BAZ1B: variants seen among roughly 807,000 people sequenced by gnomAD.
BAZ1B encodes bromodomain adjacent to zinc finger domain 1B.
BAZ1B carries 22 observed loss-of-function variants against 153.8 expected under a neutral mutation model. The observed-to-expected ratio is 0.14, with a 90% confidence interval of 0.10 to 0.20. BAZ1B has a LOEUF of 0.20. Among genes scored for constraint, BAZ1B ranks in the 10% least tolerant of loss-of-function variants. The pLI is 1.00. For missense variants in BAZ1B, 1,325 were observed against 1,799.3 expected (o/e 0.74, Z 4.77); for synonymous variants, 676 against 633.4 (o/e 1.07, Z -1.01).
At chr7:73,445,426 A>C (rs1208870815) in intron 16 of BAZ1B, among the ~76,000 whole-genome samples, 1 of 152,190 alleles carries the variant, frequency 6.6e-6, no homozygotes, top group African/African-American at 2.4e-5. Flanking sequence ...AAAAGCTCTG[A>C]AGTACCAAAT....
chr7:73,466,325 T>C lies in BAZ1B; in HGVS notation c.2943A>G (p.Thr981=), dbSNP rs200636830. 3.7e-6 allele frequency: 6 copies of C among 1,613,678 alleles called. No homozygotes were observed. In the Admixed American group the frequency reaches 5.0e-5, roughly 13 times the overall value. The change falls in exon 10 of 20, where the codon ACA becomes ACG. Residue 981 remains threonine (T), a synonymous_variant. Coordinates refer to ENST00000339594, the MANE Select transcript of BAZ1B (RefSeq NM_032408.4). ...HGTATEVAVE[T]TTPKQGQNLW... is the part of the protein sequence containing the mutation. ...GGTTCTGTCCTTGTTTGGGTGTGGT[T>C]GTCTCTACAGCAACTTCTGTTGCTG...
intron 6 of BAZ1B, among the ~76,000 whole-genome samples, chr7:73,487,326 G>C (rs989403660): frequency 6.6e-6 from 1 of 152,166 alleles, no homozygotes; most frequent in South Asian, 2.1e-4. Context: ...CTACTAGTGA[G>C]ACACAGGGAG....
intron 17 of BAZ1B, 53 bp from the exon 18 acceptor site, chr7:73,442,881 T>C (rs1583879823): frequency 1.7e-5 from 23 of 1,357,098 alleles, no homozygotes; most frequent in East Asian, 1.2e-4. Flanking sequence ...GGAGGAAGAA[T>C]GGACAGGGCA....
At chr7:73,466,476 T>A in intron 9 of BAZ1B, 75 bp from the exon 10 acceptor site, 1 of 951,330 alleles carries the variant, frequency 1.1e-6, no homozygotes, top group Non-Finnish European at 1.7e-6. Flanking sequence ...CAGTACACAG[T>A]GCCAAACTCA....
chr7:73,460,066 G>A (rs369594440), intron 12 of BAZ1B, among the ~76,000 whole-genome samples: 1 of 151,876 alleles, frequency 6.6e-6, no homozygotes, highest in Admixed American at 6.6e-5. Context: ...GTGGTGGCAC[G>A]TGCCTGTAAT....
At chr7:73,496,942 C>T (rs1789927114) in intron 4 of BAZ1B, among the ~76,000 whole-genome samples, 1 of 151,746 alleles carries the variant, frequency 6.6e-6, no homozygotes, top group African/African-American at 2.4e-5. Context: ...TCACAACACT[C>T]CACTCCAGCC....
intron 2 of BAZ1B, among the ~76,000 whole-genome samples, chr7:73,509,968 A>ACT (rs1790510497): frequency 6.6e-6 from 1 of 151,296 alleles, no homozygotes; most frequent in African/African-American, 2.4e-5. Context: ...CTCTACTAAA[A>ACT]ACACAAAAAT....
At chr7:73,483,753 T>C (rs1474523088) in intron 6 of BAZ1B, among the ~76,000 whole-genome samples, 1 of 152,096 alleles carries the variant, frequency 6.6e-6, no homozygotes, top group Non-Finnish European at 1.5e-5. Context: ...GGGATCACCC[T>C]GCCTCCATCT....
At chr7:73,488,549 C>T (rs996169793) in intron 6 of BAZ1B, among the ~76,000 whole-genome samples, 2 of 151,770 alleles carry the variant, frequency 1.3e-5, no homozygotes, top group East Asian at 1.9e-4. Context: ...CTGGCCAACA[C>T]GGCAAAACCC....
chr7:73,484,292 A>AAGATAGATAGATAGAT (rs142355745), intron 6 of BAZ1B, among the ~76,000 whole-genome samples: 68 of 150,828 alleles, frequency 4.5e-4, no homozygotes, highest in South Asian at 2.7e-3. Flanking sequence ...CGGAGGGAGG[A>AAGATAGATAGATAGAT]AGATAGATAG....
chr7:73,442,833 C>G lies in BAZ1B; in HGVS notation c.3991-5G>C. On this transcript the variant is annotated splice_polypyrimidine_tract_variant and splice_region_variant and intron_variant, in intron 17 of 19. Transcript: ENST00000339594. ...GCTCCGCTTGGTCTGAAGCACCTGG[C>G]AGGAAAGAAAGAACAATGTTATTAC... The G allele has an allele frequency of 6.2e-7, 1 of 1,609,344 alleles. No individual in the cohort carries two copies. The highest frequency in any genetic ancestry group is 8.5e-7 in the Non-Finnish European group (1 of 1,176,418).
intron 6 of BAZ1B, 59 bp downstream of exon 6, chr7:73,489,135 A>C: frequency 6.6e-7 from 1 of 1,506,756 alleles, no homozygotes; most frequent in South Asian, 1.1e-5. Flanking sequence ...AATATACTGG[A>C]GCCATCAGAG....
In BAZ1B at chr7:73,442,792, G is replaced by C; in HGVS notation, c.4027C>G (p.Leu1343Val). ...QTKRSSRRQS[L>V]ELQKCEEILH... The stretch of plus-strand genomic sequence containing the variant: ...ATCTCTTCACACTTCTGCAGCTCCA[G>C]GCTTTGCCTCCGGGAGCTCCGCTTG... Residue 1343 changes from leucine to valine, a missense_variant, in exon 18 of 20, where the codon CTG becomes GTG. By Grantham distance (32) the Leu-to-Val change is conservative. Transcript: ENST00000339594. 6.2e-7 allele frequency: 1 copy of C among 1,614,148 alleles called. No homozygotes were observed. The highest frequency in any genetic ancestry group is 8.5e-7 in the Non-Finnish European group (1 of 1,179,992).
chr7:73,441,981 TG>T (rs1787635430), intron 19 of BAZ1B, 199 bp downstream of exon 19: 4 of 569,094 alleles, frequency 7.0e-6, no homozygotes. Flanking sequence ...GGGAGGGTTA[TG>T]GCCCTCTTTG....
chr7:73,448,681 A>T (rs1028000613), intron 15 of BAZ1B, among the ~76,000 whole-genome samples: 4 of 152,222 alleles, frequency 2.6e-5, no homozygotes, highest in Admixed American at 2.6e-4. Context: ...CTGGGCAGAG[A>T]ATGTTCCCAG....
intron 11 of BAZ1B, among the ~76,000 whole-genome samples, chr7:73,464,355 T>A (rs951209831): frequency 5.3e-5 from 8 of 152,248 alleles, no homozygotes; most frequent in Non-Finnish European, 8.8e-5. Flanking sequence ...TGATTCTTTT[T>A]AATTCATATG....
chr7:73,464,272 G>C (rs1295131731), intron 11 of BAZ1B: 2 of 504,956 alleles, frequency 4.0e-6, no homozygotes, highest in Non-Finnish European at 2.6e-6. Context: ...TCCTGGCTTT[G>C]ATAGAAATAA....
Position 73,442,519 on chromosome 7 carries a change from A to G in BAZ1B, c.4129T>C (p.Tyr1377His), listed in dbSNP as rs1787662461. The change falls in exon 19 of 20, where the codon TAT (tyrosine) becomes CAT (histidine). Residue 1377 changes from tyrosine (Y) to histidine (H), a missense_variant. Physicochemically the swap from Tyr to His is moderately conservative, Grantham distance 83. Coordinates refer to ENST00000339594, the MANE Select transcript of BAZ1B (RefSeq NM_032408.4). ...PVTRDEAEDY[Y>H]DVITHPMDFQ... is the part of the protein sequence containing the mutation. The stretch of plus-strand genomic sequence containing the variant: ...TCCATGGGGTGCGTGATCACATCAT[A>G]GTAGTCCTCGGCCTCATCTCTGGTC... The G allele has an allele frequency of 6.2e-7, 1 of 1,613,340 alleles. No homozygotes were observed. The highest frequency in any genetic ancestry group is 1.1e-5 in the South Asian group (1 of 91,048).
intron 3 of BAZ1B, 42 bp from the exon 4 acceptor site, chr7:73,498,740 C>T: frequency 6.4e-7 from 1 of 1,558,362 alleles, no homozygotes; most frequent in Non-Finnish European, 8.8e-7. Flanking sequence ...TAATAAACAC[C>T]CAGAAACCTG....
Sources: gnomAD v4.1 joint callset for allele counts (sites outside exome capture counted in the v4.1 genomes callset) on GRCh38, gnomAD v4.1.1 for gene constraint, MANE v1.5 for transcripts, NCBI Gene and HGNC (gene_info 2026-07-23, HGNC 2026-07-21) for gene names.